The following ADGRL3 variants were observed in gnomAD, a reference collection of about 807,000 sequenced individuals.
ADGRL3 encodes adhesion G protein-coupled receptor L3, also known as calcium-independent alpha-latrotoxin receptor 3.
A neutral mutation model predicts 153.5 loss-of-function variants in ADGRL3; 62 were observed. That is an observed-to-expected ratio of 0.40 (90% CI 0.33 to 0.50). The LOEUF is 0.50. Ranked by LOEUF, ADGRL3 falls within the 20% of genes least tolerant of loss-of-function variation. The pLI, the probability that ADGRL3 is intolerant of heterozygous loss-of-function variation, is 0.47. For synonymous variants in ADGRL3, 710 were observed against 672.5 expected (o/e 1.06, Z -0.86); for missense variants, 1,641 against 1,859.4 (o/e 0.88, Z 2.16).
At chr4:61,890,866 A>G (rs557850152) in intron 9 of ADGRL3, among the ~76,000 whole-genome samples, 1 of 152,184 alleles carries the variant, frequency 6.6e-6, no homozygotes, top group Non-Finnish European at 1.5e-5. Flanking sequence ...AGCTAATACT[A>G]TGTAAAAATT....
chr4:62,003,755 G>A (rs2099148461), intron 21 of ADGRL3, among the ~76,000 whole-genome samples: 1 of 152,070 alleles, frequency 6.6e-6, no homozygotes, highest in Non-Finnish European at 1.5e-5. Context: ...ATGGTATCAT[G>A]AAGAATTATG....
intron 9 of ADGRL3, among the ~76,000 whole-genome samples, chr4:61,880,592 G>A (rs2098503150): frequency 6.6e-6 from 1 of 152,066 alleles, no homozygotes; most frequent in South Asian, 2.1e-4. Context: ...TTACTACAAG[G>A]CAGGTAGTAT....
chr4:61,313,328 A>G (rs2095083402), intron 1 of ADGRL3, among the ~76,000 whole-genome samples: 1 of 152,220 alleles, frequency 6.6e-6, no homozygotes, highest in African/African-American at 2.4e-5. Flanking sequence ...ATGCCACTAT[A>G]CATTTGTTAA....
chr4:61,809,580 A>C (rs983963628), intron 8 of ADGRL3, among the ~76,000 whole-genome samples: 14 of 152,068 alleles, frequency 9.2e-5, no homozygotes, highest in Non-Finnish European at 2.1e-4. Context: ...CCCTATTTAA[A>C]ATTGCTAGCT....
chr4:61,759,334 C>A (rs999701335), intron 8 of ADGRL3, among the ~76,000 whole-genome samples: 4 of 152,254 alleles, frequency 2.6e-5, no homozygotes, highest in African/African-American at 9.6e-5. Flanking sequence ...TTGGTGTTTT[C>A]ACATAGTCCC....
At chr4:61,251,304 G>T (rs1473474463) in intron 1 of ADGRL3, among the ~76,000 whole-genome samples, 1 of 152,156 alleles carries the variant, frequency 6.6e-6, no homozygotes, top group Non-Finnish European at 1.5e-5. Context: ...ATTGACTAGA[G>T]AACCTACACA....
intron 8 of ADGRL3, among the ~76,000 whole-genome samples, chr4:61,765,185 G>A (rs1459910994): frequency 2.0e-5 from 3 of 152,056 alleles, no homozygotes; most frequent in Non-Finnish European, 4.4e-5. Context: ...AACCAGCAGT[G>A]TAAACAAGAG....
At chr4:61,844,667 T>A (rs530313346) in intron 9 of ADGRL3, among the ~76,000 whole-genome samples, 1 of 146,212 alleles carries the variant, frequency 6.8e-6, no homozygotes, top group African/African-American at 2.5e-5. Context: ...ACCTCATTGT[T>A]TTGTAGTTTG....
intron 9 of ADGRL3, among the ~76,000 whole-genome samples, chr4:61,882,987 G>A (rs186620767): frequency 1.1e-3 from 168 of 152,234 alleles, no homozygotes; most frequent in African/African-American, 3.8e-3. Flanking sequence ...ATGGTGGCAG[G>A]TACCTGTAAC....
chr4:61,860,066 T>G (rs1265120951), intron 9 of ADGRL3, among the ~76,000 whole-genome samples: 1 of 152,178 alleles, frequency 6.6e-6, no homozygotes, highest in Non-Finnish European at 1.5e-5. Context: ...ATGTTTACTG[T>G]TTTGAAACAA....
At chr4:61,369,906 A>G (rs1296871505) in intron 1 of ADGRL3, among the ~76,000 whole-genome samples, 3 of 151,948 alleles carry the variant, frequency 2.0e-5, no homozygotes, top group African/African-American at 4.8e-5. Flanking sequence ...ACAATTTCAG[A>G]TCCTATTATT....
intron 18 of ADGRL3, among the ~76,000 whole-genome samples, chr4:61,982,393 C>T (rs2099071503): frequency 6.6e-6 from 1 of 152,158 alleles, no homozygotes; most frequent in Non-Finnish European, 1.5e-5. Context: ...AGATGTAAGA[C>T]TTGCTGATCT....
At chr4:61,250,717 A>T (rs1505672) in intron 1 of ADGRL3, among the ~76,000 whole-genome samples, 99,828 of 151,992 alleles carry the variant, frequency 0.66, 32,914 homozygotes, top group East Asian at 0.76. Flanking sequence ...ATCTCAAATG[A>T]GCTGTGTGTT....
intron 9 of ADGRL3, among the ~76,000 whole-genome samples, chr4:61,821,781 C>T (rs2097758437): frequency 6.6e-6 from 1 of 152,096 alleles, no homozygotes; most frequent in Non-Finnish European, 1.5e-5. Flanking sequence ...AAATGCCAGG[C>T]ATTAAGTTTC....
At chr4:61,590,853 A>G (rs999816606) in intron 5 of ADGRL3, among the ~76,000 whole-genome samples, 9 of 152,196 alleles carry the variant, frequency 5.9e-5, no homozygotes, top group African/African-American at 1.7e-4. Context: ...GAAGAACACT[A>G]GAAAAGAACA....
chr4:61,908,804 C>G (rs1053337392), intron 11 of ADGRL3, among the ~76,000 whole-genome samples: 1 of 151,984 alleles, frequency 6.6e-6, no homozygotes, highest in Admixed American at 6.6e-5. Context: ...TTTCTTCTTT[C>G]TTGTTTCTCA....
chr4:61,858,201 A>G (rs2098299847), intron 9 of ADGRL3, among the ~76,000 whole-genome samples: 2 of 152,234 alleles, frequency 1.3e-5, no homozygotes, highest in Non-Finnish European at 2.9e-5. Context: ...ATAAAATACC[A>G]GATAGTAAAT....
chr4:61,993,631 T>A (rs1434865896), intron 19 of ADGRL3, among the ~76,000 whole-genome samples: 2 of 151,964 alleles, frequency 1.3e-5, no homozygotes, highest in Non-Finnish European at 2.9e-5. Context: ...ACAATTACGA[T>A]CTTTGTTCAG....
intron 4 of ADGRL3, among the ~76,000 whole-genome samples, chr4:61,573,008 T>C (rs1290177258): frequency 1.3e-5 from 2 of 151,930 alleles, no homozygotes; most frequent in Admixed American, 6.6e-5. Flanking sequence ...TAAAATAAGA[T>C]TTATGGGTCA....
Sources: allele counts gnomAD v4.1 joint callset (sites outside exome capture counted in the v4.1 genomes callset), GRCh38; gene constraint gnomAD v4.1.1; transcripts MANE v1.5; gene names NCBI Gene and HGNC (gene_info 2026-07-23, HGNC 2026-07-21).